BSCL2: variants seen among roughly 807,000 people sequenced by gnomAD.
The protein encoded by BSCL2 is BSCL2 lipid droplet biogenesis associated, seipin.
In BSCL2, 41 loss-of-function variants were observed where a neutral mutation model predicts 57.4. The ratio of observed to expected loss-of-function variants is 0.71; its 90% confidence interval spans 0.56 to 0.93. BSCL2 has a LOEUF of 0.93. Among genes scored for constraint, BSCL2 ranks in the 40% least tolerant of loss-of-function variants. The pLI is 0.00. For synonymous variants in BSCL2, 237 were observed against 227.3 expected, an observed-to-expected ratio of 1.04 and a Z score of -0.38; for missense variants, 539 against 586.7, an observed-to-expected ratio of 0.92 and a Z score of 0.84.
At chr11:62,707,998 G>A (rs1272796270), upstream of BSCL2, 2 of 424,128 alleles carry the variant, frequency 4.7e-6, no homozygotes, top group East Asian at 4.5e-5. Flanking sequence ...GGTTGGTTGA[G>A]GTCTTCAGAG....
chr11:62,698,109 G>A (rs143798142), intron 3 of BSCL2, among the ~76,000 whole-genome samples: 5,590 of 151,752 alleles, frequency 0.037, 340 homozygotes, highest in African/African-American at 0.13. Context: ...GGGTTTCACC[G>A]TTTTAGCCAG....
In BSCL2 at chr11:62,707,273, G is replaced by T; in HGVS notation, c.-78C>A. ...TAAAACGTGAAGTGGCGATCCAGACGCTGATACCTGTGGCGCATCACATTT... is the reference window on the plus strand; with the variant it reads ...TAAAACGTGAAGTGGCGATCCAGACTCTGATACCTGTGGCGCATCACATTT... On this transcript the variant is annotated 5_prime_UTR_variant, in exon 1 of 11. Coordinates refer to ENST00000360796, the MANE Select transcript of BSCL2 (RefSeq NM_001122955.4). The T allele has an allele frequency of 2.5e-6, 3 of 1,220,420 alleles. No homozygotes were observed. The highest frequency in any genetic ancestry group is 1.3e-5 in the South Asian group (1 of 77,414). 75.6% of individuals were successfully genotyped at this position (1,220,420 alleles called of 1,614,324 possible).
At position 62,700,782 on chromosome 11, in the gene BSCL2, G is replaced by A. The variant is rs535107163; in HGVS notation, c.486+1686C>T. Among the ~76,000 whole-genome samples the A allele has an allele frequency of 3.3e-5, 5 of 152,228 alleles. No homozygotes were observed. In the South Asian group the frequency reaches 1.0e-3, roughly 32 times the overall value. On this transcript the variant is annotated intron_variant, in intron 3 of 10. Coordinates refer to ENST00000360796, the MANE Select transcript of BSCL2 (RefSeq NM_001122955.4). The stretch of plus-strand genomic sequence containing the variant: ...AGCATGACCAACATGGTGAAACCCT[G>A]TCTCTGCTAAAAATACAAAAGTTAG...
chr11:62,695,131 C>A (rs953141946), intron 3 of BSCL2, among the ~76,000 whole-genome samples: 21 of 152,232 alleles, frequency 1.4e-4, no homozygotes, highest in African/African-American at 4.6e-4. Flanking sequence ...AGCTCTGGCA[C>A]AGTCATCCTC....
intron 1 of BSCL2, chr11:62,706,077 G>C: frequency 2.6e-6 from 1 of 379,290 alleles, no homozygotes; most frequent in Non-Finnish European, 3.8e-6. Context: ...TCTCCTCTCC[G>C]CCTCGAGCAG....
upstream of BSCL2, chr11:62,709,158 G>A (rs1167888443): frequency 1.3e-5 from 6 of 471,180 alleles, no homozygotes; most frequent in South Asian, 9.3e-5. Context: ...TGGAGCTACT[G>A]GGAGGGTAAA....
At chr11:62,706,997 A>C in intron 1 of BSCL2, 112 bp downstream of exon 1, 5 of 935,624 alleles carry the variant, frequency 5.3e-6, no homozygotes, top group Non-Finnish European at 3.3e-6. Context: ...GTGGGAAGTA[A>C]TCTATTCAAA....
At position 62,707,301 on chromosome 11, in the gene BSCL2, C is replaced by T; in HGVS notation, c.-106G>A. The T allele has an allele frequency of 3.9e-6, 4 of 1,014,584 alleles. No homozygotes were observed. The highest frequency in any genetic ancestry group is 6.1e-6 in the Non-Finnish European group (4 of 659,728). 62.8% of individuals were successfully genotyped at this position (1,014,584 alleles called of 1,614,324 possible). On this transcript the variant is annotated 5_prime_UTR_variant, in exon 1 of 11. Coordinates refer to ENST00000360796, the MANE Select transcript of BSCL2 (RefSeq NM_001122955.4). ...GATACCTGTGGCGCATCACATTTTC[C>T]TGGATATGGAAAATGGAGGGTCCCT...
chr11:62,703,497 C>G (rs1945711209), intron 2 of BSCL2, among the ~76,000 whole-genome samples: 1 of 151,376 alleles, frequency 6.6e-6, no homozygotes. Context: ...GGACAACAGG[C>G]GCCTGCCACC....
chr11:62,691,372 T>C lies in BSCL2; in HGVS notation c.913A>G (p.Ser305Gly), dbSNP rs1202216594. The C allele has an allele frequency of 1.2e-6, 2 of 1,614,194 alleles. No individual in the cohort carries two copies. The highest frequency in any genetic ancestry group is 2.2e-5 in the South Asian group (2 of 91,086). The change falls in exon 7 of 11, where the codon AGC becomes GGC. Residue 305 changes from serine (S) to glycine (G), a missense_variant. By Grantham distance (56) the Ser-to-Gly change is moderately conservative. Around this residue, in one of 3 missense-constraint regions of BSCL2, gnomAD observed 248 missense variants for 239.9 expected, o/e 1.03. Coordinates refer to ENST00000360796, the MANE Select transcript of BSCL2 (RefSeq NM_001122955.4). ...PMTCAFIGVASNFTFLSVIVL... is the reference protein window; with the variant it reads ...PMTCAFIGVAGNFTFLSVIVL... ...ATGACGCTGAGGAAGGTGAAGTTGC[T>C]GGCAACACCTATGAAGGCGCAGGTC...
chr11:62,697,037 CAA>C (rs534626710), intron 3 of BSCL2, among the ~76,000 whole-genome samples: 3 of 136,412 alleles, frequency 2.2e-5, no homozygotes, highest in South Asian at 2.3e-4. Flanking sequence ...GACCCCAATT[CAA>C]AAAAAAAAAA....
In BSCL2 at chr11:62,707,276, G is replaced by T; in HGVS notation, c.-81C>A. 8.4e-7 allele frequency: 1 copy of T among 1,196,544 alleles called. No individual in the cohort carries two copies. Among genetic ancestry groups the T allele is most frequent in the Non-Finnish European group, 1.2e-6 (1 of 823,656 alleles). 74.1% of individuals were successfully genotyped at this position (1,196,544 alleles called of 1,614,324 possible). A position where few individuals can be genotyped will look rare whatever the true frequency, so the allele number is the denominator to read the frequency against. On this transcript the variant is annotated 5_prime_UTR_variant, in exon 1 of 11. Coordinates refer to ENST00000360796, the MANE Select transcript of BSCL2 (RefSeq NM_001122955.4). The stretch of plus-strand genomic sequence containing the variant: ...AACGTGAAGTGGCGATCCAGACGCT[G>T]ATACCTGTGGCGCATCACATTTTCC...
chr11:62,690,838 G>T lies in BSCL2; in HGVS notation c.1102C>A (p.Gln368Lys), dbSNP rs149990643. Reference protein sequence around the residue: ...GPEGQEESTPQSDVTEDGESP... With the variant: ...GPEGQEESTPKSDVTEDGESP... ...TCACCATCCTCTGTAACATCTGATT[G>T]CGGAGTTGACTCCTCCTGGCCTTCA... The change falls in exon 9 of 11, where the codon CAA becomes AAA. Residue 368 changes from glutamine to lysine, a missense_variant. Physicochemically the swap from Gln to Lys is moderately conservative, Grantham distance 53. This residue lies in a region of BSCL2 where 248 missense variants were observed against 239.9 expected (regional missense o/e 1.03). Coordinates refer to ENST00000360796, the MANE Select transcript of BSCL2 (RefSeq NM_001122955.4). The T allele has an allele frequency of 7.2e-5, 116 of 1,613,656 alleles. No homozygotes were observed. The African/African-American group carries it at 1.3e-3, about 18-fold the overall frequency.
At chr11:62,703,264 TAAG>T (rs1004592618) in intron 2 of BSCL2, among the ~76,000 whole-genome samples, 3 of 151,664 alleles carry the variant, frequency 2.0e-5, no homozygotes, top group Admixed American at 6.6e-5. Flanking sequence ...AGATGGTTAT[TAAG>T]AAGCTCATGA....
intron 3 of BSCL2, among the ~76,000 whole-genome samples, chr11:62,701,059 TCA>T (rs1296563096): frequency 8.1e-6 from 1 of 123,980 alleles, no homozygotes; most frequent in Non-Finnish European, 1.8e-5. Flanking sequence ...TTTGTTGACA[TCA>T]CACTGGCATC....
chr11:62,706,159 G>T, intron 1 of BSCL2: 1 of 1,007,590 alleles, frequency 9.9e-7, no homozygotes. Flanking sequence ...CTTCCCGCCA[G>T]TCCCCTCCAG....
chr11:62,704,924 C>G (rs1281406846), intron 2 of BSCL2, among the ~76,000 whole-genome samples: 3 of 152,132 alleles, frequency 2.0e-5, no homozygotes, highest in African/African-American at 7.2e-5. Flanking sequence ...AAAAAGCAAA[C>G]TGCTGCTTTC....
At chr11:62,708,594 G>A (rs911718391), upstream of BSCL2, 19 of 1,573,016 alleles carry the variant, frequency 1.2e-5, no homozygotes, top group Non-Finnish European at 1.4e-5. Flanking sequence ...CCTGGAGATG[G>A]CAAAAGAGAA....
Position 62,705,517 on chromosome 11 carries a change from G to C in BSCL2, c.188C>G (p.Pro63Arg). The change falls in exon 2 of 11, where the codon CCG becomes CGG. Residue 63 changes from proline (P) to arginine (R), a missense_variant. Transcript: ENST00000360796. ...TACTGGAGGGTCGTTGACCATGGCC[G>C]GGAGAGCAGGGTGTCTGGCCCCAGG... ...PEPGARHPAL[P>R]AMVNDPPVPA... The C allele has an allele frequency of 6.2e-7, 1 of 1,613,494 alleles. No individual in the cohort carries two copies. The highest frequency in any genetic ancestry group is 8.5e-7 in the Non-Finnish European group (1 of 1,179,542).
Sources: allele counts gnomAD v4.1 joint callset (sites outside exome capture counted in the v4.1 genomes callset), GRCh38; gene constraint gnomAD v4.1.1; regional missense constraint gnomAD v4.1.1; transcripts MANE v1.5; gene names NCBI Gene and HGNC (gene_info 2026-07-23, HGNC 2026-07-21).